Variants in BTBD8 observed in about 807,000 individuals in gnomAD.
BTBD8 encodes BTB domain containing 8.
Under a neutral mutation model 162.9 loss-of-function variants are expected in BTBD8, and 110 were observed. That is an observed-to-expected ratio of 0.68 (90% CI 0.58 to 0.79). The LOEUF (loss-of-function observed/expected upper bound fraction) is 0.79. Ranked by LOEUF, BTBD8 falls within the 30% of genes least tolerant of loss-of-function variation. The pLI is 0.00. For missense variants in BTBD8, 1,905 were observed against 2,085.4 expected (o/e 0.91, Z 1.68); for synonymous variants, 667 against 716.1 (o/e 0.93, Z 1.10).
At chr1:92,147,643 C>T (rs1158383274) in intron 8 of BTBD8, 41 bp from the exon 9 acceptor site, 1 of 1,499,398 alleles carries the variant, frequency 6.7e-7, no homozygotes, top group East Asian at 2.3e-5. Flanking sequence ...TAATGAAAAA[C>T]ATCTTAATTT....
Position 92,102,459 on chromosome 1 carries a change from A to G in BTBD8, c.348-14A>G, listed in dbSNP as rs1648613231. ...CAATGTTATTTTATTAATATTTTAT[A>G]TTTTGTCTTTTAGGATTATATATTC... On this transcript the variant is annotated splice_polypyrimidine_tract_variant and intron_variant, in intron 2 of 17. Coordinates refer to ENST00000636805, the MANE Select transcript of BTBD8 (RefSeq NM_001376131.1). 1.5e-6 allele frequency: 2 copies of G among 1,352,700 alleles called. No homozygotes were observed. Among genetic ancestry groups the G allele is most frequent in the Non-Finnish European group, 2.0e-6 (2 of 1,022,990 alleles). 83.8% of individuals were successfully genotyped at this position (1,352,700 alleles called of 1,614,324 possible). A position where few individuals can be genotyped will look rare whatever the true frequency, so the allele number is the denominator to read the frequency against.
intron 5 of BTBD8, among the ~76,000 whole-genome samples, chr1:92,132,746 C>T (rs1029487771): frequency 6.6e-6 from 1 of 152,148 alleles, no homozygotes; most frequent in African/African-American, 2.4e-5. Flanking sequence ...GTTCATTTTA[C>T]CTAGAGCTGC....
chr1:92,164,535 C>G (rs1270816639), intron 9 of BTBD8, among the ~76,000 whole-genome samples: 1 of 151,958 alleles, frequency 6.6e-6, no homozygotes, highest in East Asian at 2.0e-4. Flanking sequence ...ACAAAAATTG[C>G]TTGAACTGGG....
chr1:92,154,120 C>T (rs916275640), intron 9 of BTBD8, among the ~76,000 whole-genome samples: 1 of 152,160 alleles, frequency 6.6e-6, no homozygotes, highest in Non-Finnish European at 1.5e-5. Context: ...TGTGCCTGCT[C>T]CTCCGTTACC....
intron 12 of BTBD8, 30 bp from the exon 13 acceptor site, chr1:92,171,369 A>G: frequency 6.6e-7 from 1 of 1,516,454 alleles, no homozygotes; most frequent in Non-Finnish European, 8.9e-7. Context: ...AATGTTCCTT[A>G]TAAAAACAAA....
intron 2 of BTBD8, among the ~76,000 whole-genome samples, chr1:92,095,844 G>GC (rs1035794685): frequency 9.9e-5 from 15 of 152,056 alleles, no homozygotes; most frequent in African/African-American, 3.4e-4. Context: ...AATAACTACA[G>GC]CCCCCCGTCA....
intron 4 of BTBD8, among the ~76,000 whole-genome samples, chr1:92,110,510 C>G (rs1648859208): frequency 6.6e-6 from 1 of 152,138 alleles, no homozygotes; most frequent in African/African-American, 2.4e-5. Context: ...AATATTGTAT[C>G]CTGGGATGCT....
chr1:92,181,575 G>T lies in BTBD8; in HGVS notation c.3892G>T (p.Gly1298Ter). The change falls in exon 17 of 18, where the codon GGA becomes TGA. Residue 1298 changes from glycine (G) to a stop codon, truncating the protein, a stop_gained. Transcript: ENST00000636805. LOFTEE classifies it high-confidence loss of function. ...CGTMLCHDFLGRSSSDTSTPE... is the reference protein window; with the variant it reads ...CGTMLCHDFL Reference sequence around the variant, plus strand: ...CACTATGCTGTGCCATGATTTTCTTGGAAGAAGTAGCAGTGATACCAGTAC... The same window carrying T: ...CACTATGCTGTGCCATGATTTTCTTTGAAGAAGTAGCAGTGATACCAGTAC... The T allele has an allele frequency of 6.4e-7, 1 of 1,551,490 alleles. No homozygotes were observed. The highest frequency in any genetic ancestry group is 2.0e-5 in the Admixed American group (1 of 50,996).
chr1:92,105,926 C>T (rs1648713970), intron 3 of BTBD8, among the ~76,000 whole-genome samples: 1 of 152,200 alleles, frequency 6.6e-6, no homozygotes, highest in South Asian at 2.1e-4. Flanking sequence ...CAAAGCTCGG[C>T]TGCTTATAAT....
intron 7 of BTBD8, among the ~76,000 whole-genome samples, chr1:92,146,718 T>C (rs1207931392): frequency 1.2e-4 from 18 of 152,218 alleles, no homozygotes; most frequent in South Asian, 4.1e-4. Context: ...TATATAGCCT[T>C]TTCAGATTGG....
At chr1:92,090,940 A>T (rs1182950724) in intron 2 of BTBD8, among the ~76,000 whole-genome samples, 1 of 152,186 alleles carries the variant, frequency 6.6e-6, no homozygotes, top group Non-Finnish European at 1.5e-5. Flanking sequence ...TCAAAAAAAA[A>T]AATTTTTTAT....
In BTBD8 at chr1:92,142,146, C is replaced by T. The variant is rs1281671499; in HGVS notation, c.930+935C>T. The stretch of plus-strand genomic sequence containing the variant: ...TAGTTAACCCCTCGGCTTCCTTTAA[C>T]GAACCATTCACTTCAGCCTCTGTAA... On this transcript the variant is annotated intron_variant, in intron 7 of 17. Coordinates refer to ENST00000636805, the MANE Select transcript of BTBD8 (RefSeq NM_001376131.1). Among the ~76,000 whole-genome samples, 6 of 152,144 alleles carry T rather than the reference C, an allele frequency of 3.9e-5. No homozygotes were observed. The South Asian group carries it at 1.0e-3, about 26-fold the overall frequency.
intron 12 of BTBD8, among the ~76,000 whole-genome samples, chr1:92,169,357 T>A (rs1407706773): frequency 6.6e-6 from 1 of 152,212 alleles, no homozygotes; most frequent in Non-Finnish European, 1.5e-5. Context: ...TTAAATATGT[T>A]TTGTCATAAA....
At position 92,181,995 on chromosome 1, in the gene BTBD8, G is replaced by A; in HGVS notation, c.4312G>A (p.Val1438Ile). 3 of 1,551,526 alleles carry A rather than the reference G, an allele frequency of 1.9e-6. No individual in the cohort carries two copies. Among genetic ancestry groups the A allele is most frequent in the South Asian group, 1.2e-5 (1 of 84,028 alleles). The change falls in exon 17 of 18, where the codon GTT becomes ATT. Residue 1438 changes from valine (V) to isoleucine (I), a missense_variant. By Grantham distance (29) the Val-to-Ile change is conservative. Around this residue, in one of 3 missense-constraint regions of BTBD8, gnomAD observed 517 missense variants for 606.6 expected, o/e 0.85. Transcript: ENST00000636805. ...FSATKKFKRSVLLSVDECEEL... is the reference protein window; with the variant it reads ...FSATKKFKRSILLSVDECEEL... ...TGCAACTAAAAAGTTTAAAAGGTCA[G>A]TTTTACTTTCAGTCGATGAATGTGA...
intron 4 of BTBD8, chr1:92,125,803 G>A (rs1439349564): frequency 2.4e-6 from 1 of 408,488 alleles, no homozygotes; most frequent in Non-Finnish European, 4.8e-6. Context: ...CTTTATCACT[G>A]GAGAGAGACA....
At chr1:92,173,697 A>G (rs920930059) in intron 13 of BTBD8, among the ~76,000 whole-genome samples, 4 of 152,208 alleles carry the variant, frequency 2.6e-5, no homozygotes, top group African/African-American at 7.2e-5. Flanking sequence ...AAAGAGTTCA[A>G]ATTTTGGCTT....
At chr1:92,157,555 G>A (rs2100652337) in intron 9 of BTBD8, among the ~76,000 whole-genome samples, 1 of 152,242 alleles carries the variant, frequency 6.6e-6, no homozygotes, top group Admixed American at 6.5e-5. Flanking sequence ...CCAGATTGGA[G>A]TTCAGTGGCA....
At chr1:92,110,880 A>G (rs1648874060) in intron 4 of BTBD8, among the ~76,000 whole-genome samples, 3 of 151,926 alleles carry the variant, frequency 2.0e-5, no homozygotes, top group Admixed American at 2.0e-4. Context: ...TATTATTTTA[A>G]TGTTTTATGA....
At chr1:92,164,343 C>T (rs988663611) in intron 9 of BTBD8, among the ~76,000 whole-genome samples, 5 of 151,712 alleles carry the variant, frequency 3.3e-5, no homozygotes, top group African/African-American at 9.7e-5. Context: ...TAGAGCTGGG[C>T]GTGGTAGCTC....
Sources: allele counts gnomAD v4.1 joint callset (sites outside exome capture counted in the v4.1 genomes callset), GRCh38; gene constraint gnomAD v4.1.1; regional missense constraint gnomAD v4.1.1; transcripts MANE v1.5; gene names NCBI Gene and HGNC (gene_info 2026-07-23, HGNC 2026-07-21).